The following CLRN2 variants were observed in gnomAD, a reference collection of about 807,000 sequenced individuals.
The protein encoded by CLRN2 is clarin-2.
In CLRN2, 17 loss-of-function variants were observed where a neutral mutation model predicts 20.1. That is an observed-to-expected ratio of 0.85 (90% CI 0.58 to 1.27). CLRN2 has a LOEUF of 1.27. Among genes scored for constraint, CLRN2 ranks in the 50% most tolerant of loss-of-function variants. CLRN2 has a pLI of 0.00. For synonymous variants in CLRN2, 140 were observed against 126.9 expected (o/e 1.10, Z -0.70); for missense variants, 288 against 299.5 (o/e 0.96, Z 0.28).
At chr4:17,516,811 C>G (rs1434242039) in intron 1 of CLRN2, among the ~76,000 whole-genome samples, 2 of 152,200 alleles carry the variant, frequency 1.3e-5, no homozygotes, top group South Asian at 4.1e-4. Context: ...AGATGCTTTG[C>G]TATAAAGGAT....
At position 17,526,581 on chromosome 4, in the gene CLRN2, T is replaced by C. The variant is rs142774691; in HGVS notation, c.434-236T>C. ...TCTCAAAACAAACAAACAAAAATAA[T>C]TGGAGGGGTGGAAATTCAAAGCTGA... On this transcript the variant is annotated intron_variant, in intron 2 of 2. Coordinates refer to ENST00000511148, the MANE Select transcript of CLRN2 (RefSeq NM_001079827.2). Among the ~76,000 whole-genome samples the C allele has an allele frequency of 7.2e-5, 11 of 152,066 alleles. No individual in the cohort carries two copies. The East Asian group carries it at 1.9e-3, about 27-fold the overall frequency.
intron 1 of CLRN2, among the ~76,000 whole-genome samples, chr4:17,520,383 C>G (rs556724594): frequency 4.1e-4 from 63 of 152,240 alleles, no homozygotes; most frequent in African/African-American, 1.5e-3. Flanking sequence ...TCAGTCTATT[C>G]ACATACTGTT....
intron 2 of CLRN2, 98 bp from the exon 3 acceptor site, chr4:17,526,719 T>TA: frequency 2.1e-6 from 3 of 1,444,722 alleles, no homozygotes; most frequent in Non-Finnish European, 2.8e-6. Context: ...ATAATTTTGT[T>TA]AACCCAAAGC....
intron 1 of CLRN2, among the ~76,000 whole-genome samples, chr4:17,520,701 G>C (rs780372184): frequency 2.0e-5 from 3 of 152,160 alleles, no homozygotes; most frequent in Non-Finnish European, 2.9e-5. Flanking sequence ...CCTAAGGATT[G>C]CCTGGTTAAG....
intron 1 of CLRN2, among the ~76,000 whole-genome samples, chr4:17,517,687 G>C (rs1711714504): frequency 6.6e-6 from 1 of 152,156 alleles, no homozygotes; most frequent in Non-Finnish European, 1.5e-5. Context: ...GAAAGCATCA[G>C]AACCCTGTGA....
At chr4:17,517,921 A>T (rs970616888) in intron 1 of CLRN2, among the ~76,000 whole-genome samples, 1 of 152,128 alleles carries the variant, frequency 6.6e-6, no homozygotes, top group Non-Finnish European at 1.5e-5. Flanking sequence ...TGATAGTGCC[A>T]GTCTAGTCTC....
At chr4:17,515,607 C>T in intron 1 of CLRN2, 88 bp downstream of exon 1, 1 of 1,472,472 alleles carries the variant, frequency 6.8e-7, no homozygotes, top group Non-Finnish European at 9.2e-7. Flanking sequence ...TGGAATTTGG[C>T]TGCTGCCTCA....
chr4:17,526,327 A>G (rs150148409), intron 2 of CLRN2, among the ~76,000 whole-genome samples: 1 of 152,218 alleles, frequency 6.6e-6, no homozygotes, highest in Non-Finnish European at 1.5e-5. Context: ...TGGGAGGCCA[A>G]GGTGAATGGA....
intron 1 of CLRN2, 134 bp downstream of exon 1, chr4:17,515,653 A>G (rs1711649457): frequency 3.2e-6 from 3 of 952,002 alleles, no homozygotes; most frequent in Non-Finnish European, 4.6e-6. Context: ...CAGTGAGCCA[A>G]GGGTTCTGGA....
intron 1 of CLRN2, among the ~76,000 whole-genome samples, chr4:17,521,057 G>A (rs976318322): frequency 2.0e-5 from 3 of 151,944 alleles, no homozygotes; most frequent in African/African-American, 7.3e-5. Context: ...AAGCTACTGT[G>A]TCTGAAACAA....
chr4:17,519,123 G>A (rs73800224), intron 1 of CLRN2, among the ~76,000 whole-genome samples: 2,197 of 152,310 alleles, frequency 0.014, 12 homozygotes, highest in Non-Finnish European at 0.016. Flanking sequence ...CTGCTGGGGC[G>A]AAAAGGACTG....
chr4:17,527,102 A>G lies in CLRN2; in HGVS notation c.*20A>G. ...TATTAATAGCCTTCCCCTGTTCACA[A>G]CCTGTCCTAAGTCAGTTCTGTGTGC... On this transcript the variant is annotated 3_prime_UTR_variant, in exon 3 of 3. Transcript: ENST00000511148. 6.2e-7 allele frequency: 1 copy of G among 1,611,746 alleles called. No individual in the cohort carries two copies. Among genetic ancestry groups the G allele is most frequent in the South Asian group, 1.1e-5 (1 of 91,052 alleles).
At chr4:17,526,493 G>C (rs1711979524) in intron 2 of CLRN2, among the ~76,000 whole-genome samples, 1 of 152,186 alleles carries the variant, frequency 6.6e-6, no homozygotes. Flanking sequence ...CCGAGAGGCA[G>C]AGGTTGCAGT....
In CLRN2 at chr4:17,515,200, T is replaced by C; in HGVS notation, c.-67T>C. Reference sequence around the variant, plus strand: ...GACCTTGGAGCAGAGCATTGCCGAGTATCTGAAAGATGTCAATGACCCTCG... The same window carrying C: ...GACCTTGGAGCAGAGCATTGCCGAGCATCTGAAAGATGTCAATGACCCTCG... On this transcript the variant is annotated 5_prime_UTR_variant, in exon 1 of 3. Coordinates refer to ENST00000511148, the MANE Select transcript of CLRN2 (RefSeq NM_001079827.2). The C allele has an allele frequency of 1.3e-6, 2 of 1,576,828 alleles. No homozygotes were observed. Among genetic ancestry groups the C allele is most frequent in the Non-Finnish European group, 1.7e-6 (2 of 1,158,566 alleles).
intron 2 of CLRN2, among the ~76,000 whole-genome samples, chr4:17,526,159 C>A (rs2109003786): frequency 6.6e-6 from 1 of 152,330 alleles, no homozygotes; most frequent in Middle Eastern, 3.4e-3. Flanking sequence ...TTTCTTACAT[C>A]TTGCCACATA....
intron 2 of CLRN2, among the ~76,000 whole-genome samples, 169 bp downstream of exon 2, chr4:17,523,212 TC>T (rs1281600756): frequency 2.3e-4 from 31 of 132,324 alleles, no homozygotes; most frequent in African/African-American, 8.1e-4. Flanking sequence ...TTTTTCTTTT[TC>T]TTTTTTTTTT....
At chr4:17,524,954 A>C (rs1293407132) in intron 2 of CLRN2, among the ~76,000 whole-genome samples, 1 of 152,082 alleles carries the variant, frequency 6.6e-6, no homozygotes, top group Non-Finnish European at 1.5e-5. Flanking sequence ...CAAAAAATAA[A>C]AAATAAAAAC....
intron 2 of CLRN2, among the ~76,000 whole-genome samples, chr4:17,526,171 C>T (rs1711969713): frequency 6.6e-6 from 1 of 152,174 alleles, no homozygotes; most frequent in South Asian, 2.1e-4. Context: ...TGCCACATAG[C>T]CTTCACGGTC....
chr4:17,527,017 C>A lies in CLRN2; in HGVS notation c.634C>A (p.Pro212Thr). Reference protein sequence around the residue: ...NLVVVAISQIPLPEIKTKIEE... With the variant: ...NLVVVAISQITLPEIKTKIEE... ...GGTCGTGGTGGCGATCAGTCAAATT[C>A]CCCTCCCTGAGATTAAGACCAAAAT... Residue 212 changes from proline (P) to threonine (T), a missense_variant, in exon 3 of 3, where the codon CCC becomes ACC. By Grantham distance (38) the Pro-to-Thr change is conservative. Coordinates refer to ENST00000511148, the MANE Select transcript of CLRN2 (RefSeq NM_001079827.2). 1 of 1,611,692 alleles carries A rather than the reference C, an allele frequency of 6.2e-7. No homozygotes were observed. The highest frequency in any genetic ancestry group is 1.7e-5 in the Admixed American group (1 of 59,898).
Sources: allele counts gnomAD v4.1 joint callset (sites outside exome capture counted in the v4.1 genomes callset), GRCh38; gene constraint gnomAD v4.1.1; transcripts MANE v1.5; gene names NCBI Gene and HGNC (gene_info 2026-07-23, HGNC 2026-07-21).